The following AKAP12 variants were observed in gnomAD, a reference collection of about 807,000 sequenced individuals.
The protein encoded by AKAP12 is A-kinase anchor protein 12.
Under a neutral mutation model 79.9 loss-of-function variants are expected in AKAP12, and 32 were observed. That is an observed-to-expected ratio of 0.40 (90% CI 0.30 to 0.54). The LOEUF is 0.54. Ranked by LOEUF, AKAP12 falls within the 20% of genes least tolerant of loss-of-function variation. The pLI is 0.48. For missense variants in AKAP12, 2,074 were observed against 2,177.0 expected, an observed-to-expected ratio of 0.95 and a Z score of 0.94; for synonymous variants, 808 against 857.0, an observed-to-expected ratio of 0.94 and a Z score of 1.00.
rs367745681 is a variant in AKAP12, at chr6:151,349,221, C to T, written c.830C>T (p.Pro277Leu). The T allele has an allele frequency of 6.2e-7, 1 of 1,613,688 alleles. No individual in the cohort carries two copies. The change falls in exon 4 of 5, where the codon CCT becomes CTT. Residue 277 changes from proline to leucine, a missense_variant. Coordinates refer to ENST00000402676, the MANE Select transcript of AKAP12 (RefSeq NM_005100.4). Reference sequence around the variant, plus strand: ...GGAGAAGAGAAACAAGAAAAAGAACCTAGCAAGTCTGCAGAATCTCCGACT... The same window carrying T: ...GGAGAAGAGAAACAAGAAAAAGAACTTAGCAAGTCTGCAGAATCTCCGACT... ...EEGEEKQEKE[P>L]SKSAESPTSP...
intron 3 of AKAP12, among the ~76,000 whole-genome samples, chr6:151,327,270 C>T (rs1777552981): frequency 6.6e-6 from 1 of 152,108 alleles, no homozygotes; most frequent in Non-Finnish European, 1.5e-5. Context: ...TATAGATTAG[C>T]TTGTTTACTT....
At chr6:151,321,901 A>ATGT (rs1163269904) in intron 3 of AKAP12, among the ~76,000 whole-genome samples, 13 of 58,484 alleles carry the variant, frequency 2.2e-4, no homozygotes, top group African/African-American at 9.0e-4. Context: ...CATCAGCTTT[A>ATGT]TGTTTTTTTT....
At chr6:151,298,523 G>A (rs1582865000) in intron 2 of AKAP12, among the ~76,000 whole-genome samples, 1 of 152,148 alleles carries the variant, frequency 6.6e-6, no homozygotes, top group Non-Finnish European at 1.5e-5. Context: ...GCCAGGCGAG[G>A]TGGCTCACAC....
chr6:151,278,036 C>T (rs973401948), intron 2 of AKAP12, among the ~76,000 whole-genome samples: 1 of 151,444 alleles, frequency 6.6e-6, no homozygotes, highest in African/African-American at 2.4e-5. Context: ...TAGAATTTGT[C>T]CTCTTTTATA....
rs150598770 is a variant in AKAP12 at position 151,316,692 on chromosome 6, G to A, written c.319+10789G>A. 9.9e-5 allele frequency among the ~76,000 whole-genome samples: 15 copies of A among 152,218 alleles called. No homozygotes were observed. In the East Asian group the frequency reaches 2.5e-3, roughly 25 times the overall value. ...GTCACCCAGGCTGGAGTGCAGTGGCGCGATCTCGGCTCGCTGCAACCTCCA... is the reference window on the plus strand; with the variant it reads ...GTCACCCAGGCTGGAGTGCAGTGGCACGATCTCGGCTCGCTGCAACCTCCA... On this transcript the variant is annotated intron_variant, in intron 3 of 4. Coordinates refer to ENST00000402676, the MANE Select transcript of AKAP12 (RefSeq NM_005100.4).
At chr6:151,314,201 T>C (rs755539236) in intron 3 of AKAP12, among the ~76,000 whole-genome samples, 4 of 152,010 alleles carry the variant, frequency 2.6e-5, no homozygotes, top group Non-Finnish European at 4.4e-5. Context: ...CTAATTTTTG[T>C]ATTTTAGTAG....
chr6:151,284,846 C>T (rs556404204), intron 2 of AKAP12, among the ~76,000 whole-genome samples: 103 of 152,246 alleles, frequency 6.8e-4, no homozygotes, highest in Non-Finnish European at 1.2e-3. Context: ...TTTGACTTGA[C>T]GCATCCAGAT....
At chr6:151,343,446 G>A (rs572659035) in intron 3 of AKAP12, among the ~76,000 whole-genome samples, 1 of 152,138 alleles carries the variant, frequency 6.6e-6, no homozygotes, top group East Asian at 1.9e-4. Context: ...TTTTCAAAAG[G>A]AAAGTCACAT....
rs1300546586 is a variant in AKAP12 at position 151,349,624 on chromosome 6, C to G, written c.1233C>G (p.His411Gln). ...TEVFDEKIEV[H>Q]QEEVVAEVHV... The stretch of plus-strand genomic sequence containing the variant: ...TGTTTGATGAGAAAATAGAAGTCCA[C>G]CAAGAAGAGGTTGTGGCCGAAGTCC... The change falls in exon 4 of 5, where the codon CAC becomes CAG. Residue 411 changes from histidine (H) to glutamine (Q), a missense_variant. His to Gln is a conservative substitution (Grantham distance 24). Around this residue, in one of 3 missense-constraint regions of AKAP12, gnomAD observed 1,428 missense variants for 1,451.0 expected, o/e 0.98. Transcript: ENST00000402676. 6.2e-6 allele frequency: 10 copies of G among 1,612,542 alleles called. No individual in the cohort carries two copies. Among genetic ancestry groups the G allele is most frequent in the Non-Finnish European group, 8.5e-6 (10 of 1,179,592 alleles).
chr6:151,333,138 A>C lies in AKAP12; in HGVS notation c.320-15573A>C, dbSNP rs59378787. ...CTAAGGCAGATGAAAATTCCATAGG[A>C]GTTTTGAATTAAAAGAAGCGCCCTA... is the stretch of plus-strand genomic sequence containing the variant. On this transcript the variant is annotated intron_variant, in intron 3 of 4. Transcript: ENST00000402676. Among the ~76,000 whole-genome samples the C allele has an allele frequency of 2.7e-3, 416 of 152,208 alleles. 11 individuals are homozygous for C. In the East Asian group the frequency reaches 0.056, roughly 20 times the overall value.
intron 3 of AKAP12, among the ~76,000 whole-genome samples, chr6:151,336,122 T>C (rs1668636523): frequency 6.6e-6 from 1 of 152,250 alleles, no homozygotes; most frequent in Admixed American, 6.5e-5. Context: ...GGCTGCATAG[T>C]ATTCCATGGT....
At chr6:151,314,227 A>AT (rs1777187644) in intron 3 of AKAP12, among the ~76,000 whole-genome samples, 1 of 152,046 alleles carries the variant, frequency 6.6e-6, no homozygotes, top group East Asian at 1.9e-4. Flanking sequence ...GGGTTTTGCC[A>AT]TGTTGACCAT....
intron 2 of AKAP12, among the ~76,000 whole-genome samples, chr6:151,277,232 T>C (rs1776305656): frequency 6.6e-6 from 1 of 152,202 alleles, no homozygotes; most frequent in African/African-American, 2.4e-5. Flanking sequence ...TTAATGAGGT[T>C]GCAAGATACT....
chr6:151,302,372 C>A (rs1776881371), intron 2 of AKAP12, among the ~76,000 whole-genome samples: 1 of 152,040 alleles, frequency 6.6e-6, no homozygotes, highest in Non-Finnish European at 1.5e-5. Flanking sequence ...GTTGTCCAGG[C>A]TGGCCTCAAA....
intron 3 of AKAP12, among the ~76,000 whole-genome samples, chr6:151,340,190 C>T (rs1241964827): frequency 6.6e-6 from 1 of 151,556 alleles, no homozygotes; most frequent in Non-Finnish European, 1.5e-5. Context: ...ACCTCGGCCT[C>T]CCAAAGTGCT....
chr6:151,246,541 A>T (rs1422892931), intron 2 of AKAP12, among the ~76,000 whole-genome samples: 1 of 152,166 alleles, frequency 6.6e-6, no homozygotes, highest in African/African-American at 2.4e-5. Context: ...CTTTGCCTTC[A>T]TGGGTATCAG....
intron 3 of AKAP12, among the ~76,000 whole-genome samples, chr6:151,319,431 A>T (rs73619245): frequency 0.43 from 62,214 of 145,390 alleles, 14,017 homozygotes; most frequent in African/African-American, 0.61. Context: ...TGAATCTAAA[A>T]GACAGGTGTC....
Position 151,240,594 on chromosome 6 carries a change from G to GC in AKAP12, c.35dup (p.Glu13GlyfsTer12). 7.0e-7 allele frequency: 1 copy of GC among 1,428,394 alleles called. No individual in the cohort carries two copies. The highest frequency in any genetic ancestry group is 9.1e-7 in the Non-Finnish European group (1 of 1,096,448). 88.5% of individuals were successfully genotyped at this position (1,428,394 alleles called of 1,614,324 possible). On this transcript the variant is annotated frameshift_variant, in exon 2 of 5. Transcript: ENST00000402676. LOFTEE classifies it high-confidence loss of function. ...GCCGGGAGCTCCACCGAGCAGCGCA[G>GC]CCCGGAGCAGCCGCCCGAGGGGAGC...
At chr6:151,310,548 C>T (rs563644562) in intron 3 of AKAP12, among the ~76,000 whole-genome samples, 14 of 152,004 alleles carry the variant, frequency 9.2e-5, no homozygotes, top group Admixed American at 2.6e-4. Context: ...GCCAACGTGG[C>T]GAAACCCTGT....
Sources: allele counts gnomAD v4.1 joint callset (sites outside exome capture counted in the v4.1 genomes callset), GRCh38; gene constraint gnomAD v4.1.1; regional missense constraint gnomAD v4.1.1; transcripts MANE v1.5; gene names NCBI Gene and HGNC (gene_info 2026-07-23, HGNC 2026-07-21).